Variants in SLC4A10 observed in about 807,000 individuals in gnomAD.
SLC4A10 encodes the protein solute carrier family 4 member 10, also known as sodium-driven chloride bicarbonate exchanger.
Under a neutral mutation model 137.7 loss-of-function variants are expected in SLC4A10, and 42 were observed. The ratio of observed to expected loss-of-function variants is 0.30; its 90% CI spans 0.24 to 0.39. The LOEUF (loss-of-function observed/expected upper bound fraction) is 0.39. Ranked by LOEUF, SLC4A10 falls within the 10% of genes least tolerant of loss-of-function variation. SLC4A10 has a pLI of 1.00. For missense variants in SLC4A10, 925 were observed against 1,355.0 expected, an observed-to-expected ratio of 0.68 and a Z score of 4.98; for synonymous variants, 474 against 464.1, an observed-to-expected ratio of 1.02 and a Z score of -0.27.
chr2:161,705,569 T>C (rs2043569210), intron 1 of SLC4A10, among the ~76,000 whole-genome samples: 1 of 151,648 alleles, frequency 6.6e-6, no homozygotes, highest in Admixed American at 6.6e-5. Flanking sequence ...AGTTCATATG[T>C]TGAAAATGTA....
intron 1 of SLC4A10, among the ~76,000 whole-genome samples, chr2:161,667,843 A>T (rs1273901281): frequency 1.3e-5 from 2 of 151,758 alleles, no homozygotes; most frequent in Non-Finnish European, 3.0e-5. Context: ...TTTTTAAAAG[A>T]ACTAGAAATT....
At chr2:161,643,668 A>G (rs960315448) in intron 1 of SLC4A10, among the ~76,000 whole-genome samples, 3 of 152,098 alleles carry the variant, frequency 2.0e-5, no homozygotes, top group Non-Finnish European at 4.4e-5. Flanking sequence ...TGGTTCTTAT[A>G]TTTGTGACTG....
intron 3 of SLC4A10, among the ~76,000 whole-genome samples, chr2:161,807,688 C>G (rs1379696294): frequency 6.6e-6 from 1 of 152,090 alleles, no homozygotes; most frequent in Non-Finnish European, 1.5e-5. Context: ...TACTAGTATT[C>G]TAAATATCTT....
chr2:161,937,210 A>G (rs1022630640), intron 15 of SLC4A10, among the ~76,000 whole-genome samples: 2 of 152,224 alleles, frequency 1.3e-5, no homozygotes, highest in East Asian at 1.9e-4. Flanking sequence ...GATACTCAAT[A>G]TGGTTTAAAG....
intron 15 of SLC4A10, among the ~76,000 whole-genome samples, chr2:161,936,024 CTG>C (rs1402506206): frequency 2.0e-5 from 3 of 152,178 alleles, no homozygotes; most frequent in African/African-American, 7.2e-5. Context: ...AATGCTTTTT[CTG>C]TGTCTGTAGA....
intron 1 of SLC4A10, among the ~76,000 whole-genome samples, chr2:161,747,635 C>T (rs377027790): frequency 1.5e-4 from 23 of 152,256 alleles, no homozygotes; most frequent in African/African-American, 5.1e-4. Context: ...TCTTGCTCCA[C>T]CTCTGTCTCC....
rs149573780 is a variant in SLC4A10, at chr2:161,953,323, T to C, written c.2541+2475T>C. Among the ~76,000 whole-genome samples the C allele has an allele frequency of 1.9e-3, 292 of 152,264 alleles. 1 individual carries two copies. The highest frequency in any genetic ancestry group is 6.8e-3 in the African/African-American group (281 of 41,560). ...ATTTCTCCTGCTGATAAAAATGTTT[T>C]TATTGGCCAGGCACAGTGGCTCACG... On this transcript the variant is annotated intron_variant, in intron 19 of 26. Coordinates refer to ENST00000446997, the MANE Select transcript of SLC4A10 (RefSeq NM_001178015.2).
intron 24 of SLC4A10, among the ~76,000 whole-genome samples, 174 bp from the exon 25 acceptor site, chr2:161,976,586 T>A (rs1234993364): frequency 2.0e-5 from 3 of 152,236 alleles, no homozygotes; most frequent in Non-Finnish European, 2.9e-5. Context: ...GAACTGTACT[T>A]TTAAAAATAG....
At chr2:161,830,728 CT>C (rs2058381735) in intron 3 of SLC4A10, among the ~76,000 whole-genome samples, 1 of 151,898 alleles carries the variant, frequency 6.6e-6, no homozygotes, top group Non-Finnish European at 1.5e-5. Flanking sequence ...TTTGTTAAAC[CT>C]TTGATATTTA....
At position 161,778,994 on chromosome 2, in the gene SLC4A10, G is replaced by C. The variant is rs545495249; in HGVS notation, c.130+7940G>C. Among the ~76,000 whole-genome samples, 3 of 152,004 alleles carry C rather than the reference G, an allele frequency of 2.0e-5. No homozygotes were observed. In the East Asian group the frequency reaches 5.8e-4, roughly 30 times the overall value. On this transcript the variant is annotated intron_variant, in intron 2 of 26. Transcript: ENST00000446997. ...ATACCTGAGTAATTTATGAAGAAAA[G>C]AAGTTTATTTAGGTCACAGTCCTGT...
intron 3 of SLC4A10, among the ~76,000 whole-genome samples, chr2:161,837,553 A>C (rs974418415): frequency 6.6e-6 from 1 of 152,208 alleles, no homozygotes; most frequent in African/African-American, 2.4e-5. Flanking sequence ...AATATCAATC[A>C]AATTCCAAGC....
intron 1 of SLC4A10, among the ~76,000 whole-genome samples, chr2:161,692,906 G>A (rs974671991): frequency 1.4e-5 from 2 of 147,786 alleles, no homozygotes; most frequent in African/African-American, 5.0e-5. Context: ...GCCATGTATC[G>A]TAAATTGACA....
At chr2:161,770,897 T>C in intron 1 of SLC4A10, 76 bp from the exon 2 acceptor site, 1 of 993,032 alleles carries the variant, frequency 1.0e-6, no homozygotes, top group South Asian at 1.5e-5. Context: ...AAATATTAAA[T>C]TATATCAAGG....
intron 15 of SLC4A10, among the ~76,000 whole-genome samples, chr2:161,906,258 T>G (rs183835933): frequency 1.3e-5 from 2 of 152,344 alleles, no homozygotes; most frequent in East Asian, 1.9e-4. Context: ...AGAAACATAG[T>G]AATGAAAATA....
chr2:161,772,923 G>A (rs1427810770), intron 2 of SLC4A10, among the ~76,000 whole-genome samples: 2 of 151,802 alleles, frequency 1.3e-5, no homozygotes, highest in Non-Finnish European at 2.9e-5. Flanking sequence ...GTGAAAGAGT[G>A]AAGTGATGGG....
chr2:161,738,570 A>G (rs1381828196), intron 1 of SLC4A10, among the ~76,000 whole-genome samples: 2 of 152,226 alleles, frequency 1.3e-5, no homozygotes, highest in African/African-American at 2.4e-5. Flanking sequence ...TAGTTTGTTT[A>G]CATGTCCAGT....
intron 1 of SLC4A10, among the ~76,000 whole-genome samples, chr2:161,649,300 G>A (rs997120470): frequency 6.6e-6 from 1 of 152,218 alleles, no homozygotes; most frequent in Non-Finnish European, 1.5e-5. Flanking sequence ...GGCAGGGTTT[G>A]CAGTGAGCCG....
chr2:161,680,040 C>T lies in SLC4A10; in HGVS notation c.48+55474C>T, dbSNP rs115769967. ...CTGAATTCACTATGATACTTCATGC[C>T]TTTGTCTATGGTGTTTCCCTTTGTA... On this transcript the variant is annotated intron_variant, in intron 1 of 26. Transcript: ENST00000446997. Among the ~76,000 whole-genome samples the T allele has an allele frequency of 5.6e-3, 847 of 152,096 alleles. 4 individuals carry two copies. Among genetic ancestry groups the T allele is most frequent in the African/African-American group, 0.02 (812 of 41,500 alleles).
intron 1 of SLC4A10, among the ~76,000 whole-genome samples, chr2:161,753,637 A>T (rs2049239970): frequency 6.6e-6 from 1 of 152,150 alleles, no homozygotes; most frequent in African/African-American, 2.4e-5. Context: ...TAGTAGTGGT[A>T]GTAGTAGTGA....
Sources: gnomAD v4.1 joint callset for allele counts (sites outside exome capture counted in the v4.1 genomes callset) on GRCh38, gnomAD v4.1.1 for gene constraint, MANE v1.5 for transcripts, NCBI Gene and HGNC (gene_info 2026-07-23, HGNC 2026-07-21) for gene names.